The following TAF6 variants were observed in gnomAD, a reference collection of about 807,000 sequenced individuals.
TAF6 encodes the protein TATA-box binding protein associated factor 6, also known as transcription initiation factor TFIID subunit 6.
Under a neutral mutation model 73.5 loss-of-function variants are expected in TAF6, and 50 were observed. The ratio of observed to expected loss-of-function variants is 0.68; its 90% CI spans 0.54 to 0.86. The LOEUF (loss-of-function observed/expected upper bound fraction) is 0.86, where lower values mean the gene tolerates loss of function less well. TAF6 is among the 40% of genes least tolerant of loss of function. The pLI is 0.00. For missense variants in TAF6, 768 were observed against 899.5 expected (o/e 0.85, Z 1.87); for synonymous variants, 424 against 376.7 (o/e 1.13, Z -1.45).
In TAF6 at chr7:100,114,680, A is replaced by G. The variant is rs1034932829; in HGVS notation, c.-59-412T>C. The G allele has an allele frequency of 1.3e-4, 36 of 272,342 alleles. No homozygotes were observed. In the South Asian group the frequency reaches 2.2e-3, roughly 16 times the overall value. 16.9% of individuals were successfully genotyped at this position (272,342 alleles called of 1,614,324 possible). ...GGTTGCAGTGAGCCGAGATCACGCC[A>G]CTGCACTCCAGCCAGGGTGACTCCG... On this transcript the variant is annotated intron_variant, in intron 1 of 14. Coordinates refer to ENST00000453269, the MANE Select transcript of TAF6 (RefSeq NM_139315.3).
chr7:100,111,385 C>T, intron 9 of TAF6, 64 bp from the exon 10 acceptor site: 1 of 1,558,692 alleles, frequency 6.4e-7, no homozygotes, highest in Non-Finnish European at 8.7e-7. Flanking sequence ...TAAAGTCTTG[C>T]TCTGTCACCC....
rs764600595 is a variant in TAF6 at position 100,111,336 on chromosome 7, G to A, written c.901-15C>T. 6.2e-7 allele frequency: 1 copy of A among 1,605,674 alleles called. No homozygotes were observed. Among genetic ancestry groups the A allele is most frequent in the Non-Finnish European group, 8.5e-7 (1 of 1,173,334 alleles). On this transcript the variant is annotated splice_polypyrimidine_tract_variant and intron_variant, in intron 9 of 14. Coordinates refer to ENST00000453269, the MANE Select transcript of TAF6 (RefSeq NM_139315.3). ...AGCTCATGGACCTAAGGGAGAAAGG[G>A]CGGGACAGCTGATTCTGGTTTTGTT...
At chr7:100,124,389 A>T, upstream of TAF6, 2 of 693,048 alleles carry the variant, frequency 2.9e-6, no homozygotes, top group East Asian at 5.0e-5. Context: ...CACATCTAGT[A>T]GGCCAAACTT....
In TAF6 at chr7:100,114,109, T is replaced by G; in HGVS notation, c.101A>C (p.Glu34Ala). 1 of 1,614,192 alleles carries G rather than the reference T, an allele frequency of 6.2e-7. No homozygotes were observed. The highest frequency in any genetic ancestry group is 8.5e-7 in the Non-Finnish European group (1 of 1,180,030). The change falls in exon 2 of 15, where the codon GAG becomes GCG. Residue 34 changes from glutamate to alanine, a missense_variant. Transcript: ENST00000453269. Reference protein sequence around the residue: ...ESMGIAQIQEETCQLLTDEVS... With the variant: ...ESMGIAQIQEATCQLLTDEVS... The stretch of plus-strand genomic sequence containing the variant: ...CTCATCCGTTAGCAGCTGGCAGGTC[T>G]CCTCCTGAATCTGGGCGATGCCCAT...
At chr7:100,126,060 C>T in the TAF6 span, among the ~76,000 whole-genome samples, 30 of 152,350 alleles carry the variant, frequency 2.0e-4, no homozygotes, top group Non-Finnish European at 7.3e-5. Context: ...GTGGCAGGCG[C>T]CTGCAGTCCC....
upstream of TAF6, chr7:100,119,919 G>A: frequency 6.7e-7 from 1 of 1,495,526 alleles, no homozygotes; most frequent in Non-Finnish European, 9.1e-7. Context: ...CTTCTTCTAG[G>A]CCGGACATCC....
chr7:100,112,059 C>T (rs1797233198), intron 7 of TAF6, 49 bp downstream of exon 7: 4 of 1,613,596 alleles, frequency 2.5e-6, no homozygotes, highest in Non-Finnish European at 3.4e-6. Context: ...TTCATAGGGC[C>T]CCCAGGAGGA....
chr7:100,121,088 TTTTA>T (rs1417798870), upstream of TAF6: 54 of 41,462 alleles, frequency 1.3e-3, no homozygotes, highest in African/African-American at 5.0e-3. Flanking sequence ...ATTGTATTAA[TTTTA>T]TATATATATA....
chr7:100,125,929 GT>G, the TAF6 span, among the ~76,000 whole-genome samples: 20 of 152,226 alleles, frequency 1.3e-4, no homozygotes, highest in Non-Finnish European at 2.6e-4. Flanking sequence ...ACTCACGCCT[GT>G]AATCCCAGCA....
intron 10 of TAF6, 34 bp from the exon 11 acceptor site, chr7:100,110,308 G>A (rs778702254): frequency 1.2e-6 from 2 of 1,608,558 alleles, no homozygotes; most frequent in Non-Finnish European, 1.7e-6. Flanking sequence ...AAGATGAAGG[G>A]GTCTGAAAGG....
chr7:100,107,782 C>T (rs1796697627), intron 14 of TAF6, 144 bp downstream of exon 14: 3 of 1,379,492 alleles, frequency 2.2e-6, no homozygotes, highest in East Asian at 2.5e-5. Flanking sequence ...AGGGCAGCTA[C>T]AGCCCTGCAG....
In TAF6 at chr7:100,113,394, T is replaced by C; in HGVS notation, c.409A>G (p.Ser137Gly). Residue 137 changes from serine (S) to glycine (G), a missense_variant, in exon 5 of 15, where the codon AGC becomes GGC. Physicochemically the swap from Ser to Gly is moderately conservative, Grantham distance 56. Coordinates refer to ENST00000453269, the MANE Select transcript of TAF6 (RefSeq NM_139315.3). ...LDVCLKAHWL[S>G]IEGCQPAIPE... ...ATAGCTGGCTGGCAGCCCTCGATGC[T>C]CAGCCAATGAGCTGCAAGGAAGGCA... 2.5e-6 allele frequency: 4 copies of C among 1,593,932 alleles called. No homozygotes were observed. The highest frequency in any genetic ancestry group is 3.4e-6 in the Non-Finnish European group (4 of 1,169,812).
chr7:100,122,516 G>T (rs764917274), upstream of TAF6: 4 of 1,613,910 alleles, frequency 2.5e-6, no homozygotes, highest in East Asian at 8.9e-5. Context: ...GAGAATTTAT[G>T]TGAGCGGATC....
At chr7:100,109,849 T>C (rs1472092156) in intron 12 of TAF6, 99 bp downstream of exon 12, 2 of 1,529,342 alleles carry the variant, frequency 1.3e-6, no homozygotes, top group Non-Finnish European at 1.8e-6. Context: ...TCTGAAAACA[T>C]GAGGCAAAGA....
chr7:100,122,344 G>A (rs1798098947), upstream of TAF6: 3 of 1,614,146 alleles, frequency 1.9e-6, no homozygotes, highest in African/African-American at 4.0e-5. Flanking sequence ...GGCAGGTGCT[G>A]GATACAGGCA....
intron 2 of TAF6, 39 bp from the exon 3 acceptor site, chr7:100,113,993 T>G: frequency 6.2e-7 from 1 of 1,614,102 alleles, no homozygotes; most frequent in Non-Finnish European, 8.5e-7. Context: ...CCCAAAATCC[T>G]AAGGACGGGG....
rs1797391226 is a variant in TAF6 at position 100,113,495 on chromosome 7, C to T, written c.398-90G>A. The T allele has an allele frequency of 9.8e-6, 15 of 1,530,382 alleles. No homozygotes were observed. In the South Asian group the frequency reaches 1.5e-4, roughly 15 times the overall value. The allele number at this position is 1,530,382 out of a possible 1,614,324, so 94.8% of individuals were successfully genotyped here. The stretch of plus-strand genomic sequence containing the variant: ...ATGGAAGCGTGTTTCCACTCCTGCT[C>T]CCCTTGCAACTCACCAGGGATCTCA... On this transcript the variant is annotated intron_variant, in intron 4 of 14. Coordinates refer to ENST00000453269, the MANE Select transcript of TAF6 (RefSeq NM_139315.3).
At position 100,113,689 on chromosome 7, in the gene TAF6, C is replaced by T. The variant is rs151025736; in HGVS notation, c.324G>A (p.Glu108=). 6.1e-4 allele frequency: 984 copies of T among 1,614,114 alleles called. 17 individuals carry two copies. In the South Asian group the frequency reaches 9.8e-3, roughly 16 times the overall value. The part of the protein sequence containing the change: ...SGGGRELYFY[E]EKEVDLSDII... The stretch of plus-strand genomic sequence containing the variant: ...TGTCGCTCAGATCAACCTCCTTCTC[C>T]TCATAGAAGTAAAGCTCCCGGCCCC... Residue 108 remains glutamate (E), a synonymous_variant, in exon 4 of 15, where the codon GAG becomes GAA. Transcript: ENST00000453269.
chr7:100,115,663 A>G (rs1407736482), intron 1 of TAF6: 2 of 151,426 alleles, frequency 1.3e-5, no homozygotes, highest in African/African-American at 4.9e-5. Flanking sequence ...CTGTCTCAAA[A>G]AAAAAAAAAA....
Sources: gnomAD v4.1 joint callset for allele counts (sites outside exome capture counted in the v4.1 genomes callset) on GRCh38, gnomAD v4.1.1 for gene constraint, MANE v1.5 for transcripts, NCBI Gene and HGNC (gene_info 2026-07-23, HGNC 2026-07-21) for gene names.